TCTN2: variants seen among roughly 807,000 people sequenced by gnomAD.
The protein encoded by TCTN2 is tectonic family member 2.
In TCTN2, 66 loss-of-function variants were observed where a neutral mutation model predicts 83.4. The ratio of observed to expected loss-of-function variants is 0.79; its 90% CI spans 0.65 to 0.97. The LOEUF is 0.97. Among genes scored for constraint, TCTN2 ranks in the 50% least tolerant of loss-of-function variants. The pLI, the probability that TCTN2 is intolerant of heterozygous loss-of-function variation, is 0.00. For missense variants in TCTN2, 794 were observed against 858.1 expected (o/e 0.93, Z 0.93); for synonymous variants, 301 against 326.7 (o/e 0.92, Z 0.85).
chr12:123,699,863 A>G lies in TCTN2; in HGVS notation c.1612+53A>G. On this transcript the variant is annotated intron_variant, in intron 14 of 17. Transcript: ENST00000303372. ...CTGTAACTTGGTTGCTGTGACTACC[A>G]ACTGTAGTCGCAGCATTAGAGCCCA... 4.3e-6 allele frequency: 6 copies of G among 1,402,406 alleles called. No individual in the cohort carries two copies. In the Middle Eastern group the frequency reaches 5.3e-4, roughly 124 times the overall value. 86.9% of individuals were successfully genotyped at this position (1,402,406 alleles called of 1,614,324 possible). A position where few individuals can be genotyped will look rare whatever the true frequency, so the allele number is the denominator to read the frequency against.
chr12:123,691,204 A>G (rs923932641), intron 8 of TCTN2, among the ~76,000 whole-genome samples: 5 of 152,156 alleles, frequency 3.3e-5, no homozygotes, highest in African/African-American at 1.2e-4. Context: ...ATTCATTGAC[A>G]TTAGTACCTT....
Position 123,707,003 on chromosome 12 carries a change from A to G in TCTN2, c.1914A>G (p.Thr638=), listed in dbSNP as rs769763960. Residue 638 remains threonine, a synonymous_variant, in exon 17 of 18, where the codon ACA becomes ACG. Coordinates refer to ENST00000303372, the MANE Select transcript of TCTN2 (RefSeq NM_024809.5). ...TTTCTAGATTCCAGATCAATTATAC[A>G]GAGTATGACTGCAACAGAAATGAGG... The part of the protein sequence containing the change: ...HPLTRFQINY[T]EYDCNRNEVC... 4.3e-5 allele frequency: 70 copies of G among 1,613,994 alleles called. No homozygotes were observed. The highest frequency in any genetic ancestry group is 8.3e-5 in the Admixed American group (5 of 59,994).
rs767322374 is a variant in TCTN2 at position 123,704,615 on chromosome 12, A to G, written c.1696A>G (p.Ile566Val). 13 of 1,613,152 alleles carry G rather than the reference A, an allele frequency of 8.1e-6. No homozygotes were observed. The highest frequency in any genetic ancestry group is 1.1e-5 in the Non-Finnish European group (13 of 1,179,910). Residue 566 changes from isoleucine (I) to valine (V), a missense_variant, in exon 15 of 18, where the codon ATC becomes GTC. By Grantham distance (29) the Ile-to-Val change is conservative. Coordinates refer to ENST00000303372, the MANE Select transcript of TCTN2 (RefSeq NM_024809.5). ...CCTGGATATTCCTGCTCACCTGAGC[A>G]TCCGCATCCTCATCTCGGATGCTGG... ...MCLDIPAHLSIRILISDAGAV... is the reference protein window; with the variant it reads ...MCLDIPAHLSVRILISDAGAV...
intron 8 of TCTN2, among the ~76,000 whole-genome samples, chr12:123,692,289 C>T (rs1026433191): frequency 6.6e-6 from 1 of 152,216 alleles, no homozygotes; most frequent in Non-Finnish European, 1.5e-5. Flanking sequence ...AGGCAATCTG[C>T]CTGCCTCGGC....
At chr12:123,701,796 C>A (rs111412748) in intron 14 of TCTN2, among the ~76,000 whole-genome samples, 16 of 151,760 alleles carry the variant, frequency 1.1e-4, no homozygotes, top group Middle Eastern at 3.5e-3. Flanking sequence ...ATCATGGGGG[C>A]CAGATAGAAA....
chr12:123,687,733 C>A (rs541174469), intron 6 of TCTN2, among the ~76,000 whole-genome samples: 275 of 151,890 alleles, frequency 1.8e-3, no homozygotes, highest in Non-Finnish European at 3.4e-3. Flanking sequence ...GATGCTGAGG[C>A]AGGGTGATCA....
intron 9 of TCTN2, 54 bp downstream of exon 9, chr12:123,692,777 T>C: frequency 7.3e-7 from 1 of 1,366,176 alleles, no homozygotes; most frequent in Non-Finnish European, 1.0e-6. Context: ...ATGTCATTTC[T>C]TACAAGTAAT....
intron 15 of TCTN2, among the ~76,000 whole-genome samples, chr12:123,706,522 T>G (rs981023794): frequency 6.6e-6 from 1 of 152,220 alleles, no homozygotes; most frequent in Non-Finnish European, 1.5e-5. Flanking sequence ...CATGAGGGGT[T>G]ATTAGGAGTT....
chr12:123,697,045 T>C (rs746508829), intron 12 of TCTN2, 42 bp from the exon 13 acceptor site: 1 of 1,500,366 alleles, frequency 6.7e-7, no homozygotes, highest in South Asian at 1.1e-5. Flanking sequence ...TTTACTTTTG[T>C]TTAGCAAAAA....
intron 2 of TCTN2, 82 bp downstream of exon 2, chr12:123,671,696 TG>T: frequency 8.0e-7 from 1 of 1,257,350 alleles, no homozygotes; most frequent in East Asian, 2.4e-5. Flanking sequence ...GTGGCATCCT[TG>T]GGGCCCCCTG....
rs764082909 is a variant in TCTN2, at chr12:123,696,508, G to A, written c.1393+13G>A. Reference sequence around the variant, plus strand: ...CTTTGGCAATCGGGTAATCCGGTTTGGTCATTATGATTAGCCCTTTGGCAA... The same window carrying A: ...CTTTGGCAATCGGGTAATCCGGTTTAGTCATTATGATTAGCCCTTTGGCAA... On this transcript the variant is annotated intron_variant, in intron 12 of 17. Transcript: ENST00000303372. 6.2e-7 allele frequency: 1 copy of A among 1,611,240 alleles called. No homozygotes were observed. Among genetic ancestry groups the A allele is most frequent in the South Asian group, 1.1e-5 (1 of 91,026 alleles).
chr12:123,694,330 T>C (rs570413060), intron 9 of TCTN2, among the ~76,000 whole-genome samples: 15 of 152,348 alleles, frequency 9.8e-5, no homozygotes, highest in Admixed American at 2.6e-4. Context: ...GGTTTCGCCA[T>C]GCTGGCCAGG....
Position 123,707,805 on chromosome 12 carries a change from G to T in TCTN2, c.*92G>T, listed in dbSNP as rs1956249377. On this transcript the variant is annotated 3_prime_UTR_variant, in exon 18 of 18. Transcript: ENST00000303372. ...CGGCTCACCACAACCTCCTCCTCTT[G>T]GGTTCAAGCGATTCTCCTGCCTCAG... 10 of 948,692 alleles carry T rather than the reference G, an allele frequency of 1.1e-5. No individual in the cohort carries two copies. The East Asian group carries it at 2.4e-4, about 23-fold the overall frequency. The allele number at this position is 948,692 out of a possible 1,614,324, so 58.8% of individuals were successfully genotyped here.
rs761215701 is a variant in TCTN2 at position 123,676,294 on chromosome 12, C to T, written c.463+2484C>T. The stretch of plus-strand genomic sequence containing the variant: ...ACCTTGTCTCTAAAAAAAGACCGGG[C>T]GCGGTGGCTCACGCCTGTAATCCCA... On this transcript the variant is annotated intron_variant, in intron 4 of 17. Transcript: ENST00000303372. Among the ~76,000 whole-genome samples the T allele has an allele frequency of 4.6e-5, 7 of 150,752 alleles. No homozygotes were observed. In the East Asian group the frequency reaches 5.9e-4, roughly 13 times the overall value.
At chr12:123,687,091 CCA>C (rs1955980587) in intron 6 of TCTN2, 56 bp downstream of exon 6, 1 of 1,599,640 alleles carries the variant, frequency 6.3e-7, no homozygotes, top group African/African-American at 1.3e-5. Context: ...CCTGGTGGGG[CCA>C]TACTCTAGTA....
chr12:123,675,353 T>C (rs1201703029), intron 4 of TCTN2, among the ~76,000 whole-genome samples: 3 of 152,198 alleles, frequency 2.0e-5, no homozygotes, highest in Non-Finnish European at 4.4e-5. Flanking sequence ...TGAGTGCTAC[T>C]GCCATGTCCC....
chr12:123,673,756 C>T lies in TCTN2; in HGVS notation c.409C>T (p.Leu137=). Residue 137 remains leucine, a synonymous_variant, in exon 4 of 18, where the codon CTA becomes TTA. Transcript: ENST00000303372. ...ASHNSSCSAH[L]LIQVEIYANS... ...TCATAATTCATCCTGTTCAGCACAT[C>T]TACTCATTCAAGTGGAAATTTATGC... 15 of 1,614,242 alleles carry T rather than the reference C, an allele frequency of 9.3e-6. No homozygotes were observed. Among genetic ancestry groups the T allele is most frequent in the Non-Finnish European group, 1.3e-5 (15 of 1,180,052 alleles).
Position 123,696,419 on chromosome 12 carries a change from C to T in TCTN2, c.1317C>T (p.Tyr439=). Residue 439 remains tyrosine (Y), a synonymous_variant, in exon 12 of 18, where the codon TAC becomes TAT. Coordinates refer to ENST00000303372, the MANE Select transcript of TCTN2 (RefSeq NM_024809.5). ...TCCTTTGTTGTGTTTGTCTAGGTTA[C>T]CAACTTGGCAAGCCTGTCCGAGCTC... The part of the protein sequence containing the change: ...NEEELSGNPG[Y]QLGKPVRALN... The T allele has an allele frequency of 1.9e-6, 3 of 1,614,026 alleles. No individual in the cohort carries two copies. Among genetic ancestry groups the T allele is most frequent in the Non-Finnish European group, 2.5e-6 (3 of 1,179,926 alleles).
chr12:123,690,481 G>A (rs1201044020), intron 7 of TCTN2, 52 bp from the exon 8 acceptor site: 1 of 1,613,238 alleles, frequency 6.2e-7, no homozygotes, highest in Non-Finnish European at 8.5e-7. Context: ...GATCTGTTTT[G>A]TATGATTAGG....
Sources: allele counts gnomAD v4.1 joint callset (sites outside exome capture counted in the v4.1 genomes callset), GRCh38; gene constraint gnomAD v4.1.1; transcripts MANE v1.5; gene names NCBI Gene and HGNC (gene_info 2026-07-23, HGNC 2026-07-21).